ACAD11: variants seen among roughly 807,000 people sequenced by gnomAD.
ACAD11 encodes acyl-CoA dehydrogenase family member 11, also known as acyl-Coenzyme A dehydrogenase family, member 11.
In ACAD11, 83 loss-of-function variants were observed where a neutral mutation model predicts 102.2. The ratio of observed to expected loss-of-function variants is 0.81; its 90% CI spans 0.68 to 0.97. ACAD11 has a LOEUF of 0.97. Ranked by LOEUF, ACAD11 falls within the 50% of genes least tolerant of loss-of-function variation. The pLI is 0.00. For synonymous variants in ACAD11, 324 were observed against 319.8 expected (o/e 1.01, Z -0.14); for missense variants, 901 against 951.7 (o/e 0.95, Z 0.70).
In ACAD11 at chr3:132,636,260, T is replaced by G. The variant is rs372019375; in HGVS notation, c.702+3232A>C. ...TAACTTTTAGTGGTTGATCTGGACA[T>G]TTACTAGTTCGTCTTACTGCTGCTA... On this transcript the variant is annotated intron_variant, in intron 5 of 19. Coordinates refer to ENST00000264990, the MANE Select transcript of ACAD11 (RefSeq NM_032169.5). Among the ~76,000 whole-genome samples, 7 of 152,338 alleles carry G rather than the reference T, an allele frequency of 4.6e-5. No homozygotes were observed. In the South Asian group the frequency reaches 1.2e-3, roughly 27 times the overall value.
At chr3:132,627,534 A>G (rs982946654) in intron 8 of ACAD11, among the ~76,000 whole-genome samples, 1 of 152,232 alleles carries the variant, frequency 6.6e-6, no homozygotes. Context: ...TAGCTGCTGA[A>G]TATTAGATCT....
intron 13 of ACAD11, among the ~76,000 whole-genome samples, chr3:132,597,853 A>G (rs1938383730): frequency 6.6e-6 from 1 of 152,126 alleles, no homozygotes; most frequent in African/African-American, 2.4e-5. Flanking sequence ...CAAGGTTCAT[A>G]CTGTGTTAAT....
At chr3:132,620,003 C>A (rs976282455) in intron 9 of ACAD11, among the ~76,000 whole-genome samples, 2 of 152,126 alleles carry the variant, frequency 1.3e-5, no homozygotes, top group Non-Finnish European at 2.9e-5. Flanking sequence ...CTATGTTAGC[C>A]CTGTTACACC....
At chr3:132,638,066 G>A (rs960774771) in intron 5 of ACAD11, among the ~76,000 whole-genome samples, 1 of 152,108 alleles carries the variant, frequency 6.6e-6, no homozygotes, top group Non-Finnish European at 1.5e-5. Flanking sequence ...AGCTTGACAA[G>A]TAGTCTAAGA....
At chr3:132,562,044 T>C (rs532146169) in intron 17 of ACAD11, among the ~76,000 whole-genome samples, 1 of 152,370 alleles carries the variant, frequency 6.6e-6, no homozygotes, top group Admixed American at 6.5e-5. Context: ...ATTGTAAGTA[T>C]GTATCAGTTG....
At chr3:132,632,228 T>C (rs376004237) in intron 5 of ACAD11, among the ~76,000 whole-genome samples, 1 of 152,092 alleles carries the variant, frequency 6.6e-6, no homozygotes. Context: ...GGACTACAGG[T>C]GCTCGCCACC....
At chr3:132,576,131 T>G (rs1576553128) in intron 16 of ACAD11, among the ~76,000 whole-genome samples, 1 of 152,210 alleles carries the variant, frequency 6.6e-6, no homozygotes, top group African/African-American at 2.4e-5. Context: ...CATTAAACAT[T>G]TCAAATTTCA....
intron 11 of ACAD11, among the ~76,000 whole-genome samples, chr3:132,607,893 A>C (rs1360090256): frequency 6.6e-6 from 1 of 152,204 alleles, no homozygotes; most frequent in African/African-American, 2.4e-5. Context: ...TACCCACAAA[A>C]GGAAGCCCAT....
At chr3:132,586,922 G>A (rs899897001) in intron 13 of ACAD11, among the ~76,000 whole-genome samples, 1 of 151,974 alleles carries the variant, frequency 6.6e-6, no homozygotes, top group Non-Finnish European at 1.5e-5. Context: ...GCGAAACCCC[G>A]TCTCTACTAA....
At chr3:132,569,730 T>G (rs532090767) in intron 17 of ACAD11, among the ~76,000 whole-genome samples, 1 of 152,328 alleles carries the variant, frequency 6.6e-6, no homozygotes, top group Admixed American at 6.5e-5. Context: ...TGTTTTCATA[T>G]TGTATGACTC....
chr3:132,586,932 A>G (rs1289308179), intron 13 of ACAD11, among the ~76,000 whole-genome samples: 2 of 152,130 alleles, frequency 1.3e-5, no homozygotes, highest in Admixed American at 6.5e-5. Flanking sequence ...GTCTCTACTA[A>G]AAATACAAAA....
intron 12 of ACAD11, among the ~76,000 whole-genome samples, chr3:132,604,125 T>C (rs1350192752): frequency 6.6e-6 from 1 of 152,166 alleles, no homozygotes; most frequent in African/African-American, 2.4e-5. Context: ...ATTATAGTAG[T>C]CCCCTGTTAT....
At chr3:132,624,139 T>C (rs1939711296) in intron 9 of ACAD11, among the ~76,000 whole-genome samples, 1 of 151,490 alleles carries the variant, frequency 6.6e-6, no homozygotes, top group Non-Finnish European at 1.5e-5. Flanking sequence ...ACCAGGTCTC[T>C]ACAAAAAAAT....
intron 1 of ACAD11, among the ~76,000 whole-genome samples, chr3:132,656,846 G>GT (rs1937834923): frequency 7.0e-6 from 1 of 142,954 alleles, no homozygotes; most frequent in African/African-American, 2.8e-5. Context: ...TTCTCATTGT[G>GT]TTGTTTTTTT....
intron 1 of ACAD11, 74 bp from the exon 2 acceptor site, chr3:132,644,970 G>A: frequency 1.1e-6 from 1 of 881,556 alleles, no homozygotes; most frequent in Non-Finnish European, 1.8e-6. Flanking sequence ...CTACTGAAAT[G>A]TCAGAAGAAA....
At chr3:132,588,915 T>C (rs893448053) in intron 13 of ACAD11, among the ~76,000 whole-genome samples, 1 of 152,224 alleles carries the variant, frequency 6.6e-6, no homozygotes, top group African/African-American at 2.4e-5. Flanking sequence ...TGCTATGGTC[T>C]GAATGTATAT....
At chr3:132,561,002 G>T in intron 18 of ACAD11, 99 bp downstream of exon 18, 1 of 860,882 alleles carries the variant, frequency 1.2e-6, no homozygotes, top group Non-Finnish European at 1.9e-6. Flanking sequence ...CCAATATTCT[G>T]AGTGCCATCA....
chr3:132,595,595 A>T (rs1559946538), intron 13 of ACAD11, among the ~76,000 whole-genome samples: 1 of 152,148 alleles, frequency 6.6e-6, no homozygotes, highest in Non-Finnish European at 1.5e-5. Context: ...AGAAATTTAA[A>T]TTTACAATTA....
chr3:132,659,467 T>C, intron 1 of ACAD11, 136 bp downstream of exon 1: 1 of 1,281,664 alleles, frequency 7.8e-7, no homozygotes, highest in Non-Finnish European at 1.1e-6. Flanking sequence ...TAGCAGCTCA[T>C]GCCTGTAGGG....
Sources: gnomAD v4.1 joint callset for allele counts (sites outside exome capture counted in the v4.1 genomes callset) on GRCh38, gnomAD v4.1.1 for gene constraint, MANE v1.5 for transcripts, NCBI Gene and HGNC (gene_info 2026-07-23, HGNC 2026-07-21) for gene names.